TMEM106A: variants seen among roughly 807,000 people sequenced by gnomAD.
TMEM106A encodes the protein transmembrane protein 106A.
A neutral mutation model predicts 25.1 loss-of-function variants in TMEM106A; 22 were observed. The ratio of observed to expected loss-of-function variants is 0.88; its 90% CI spans 0.63 to 1.25. The LOEUF (loss-of-function observed/expected upper bound fraction) is 1.25. Among genes scored for constraint, TMEM106A ranks in the 50% most tolerant of loss-of-function variants. The pLI, the probability that TMEM106A is intolerant of heterozygous loss-of-function variation, is 0.00. For missense variants in TMEM106A, 275 were observed against 318.1 expected (o/e 0.86, Z 1.03); for synonymous variants, 104 against 129.9 (o/e 0.80, Z 1.35).
chr17:43,215,158 G>A (rs1598031871), intron 4 of TMEM106A, among the ~76,000 whole-genome samples: 1 of 151,984 alleles, frequency 6.6e-6, no homozygotes, highest in South Asian at 2.1e-4. Flanking sequence ...CAGGAGAATG[G>A]CGTGAACCCG....
Position 43,213,229 on chromosome 17 carries a change from A to G in TMEM106A, c.188A>G (p.Gln63Arg). 1.2e-6 allele frequency: 2 copies of G among 1,614,196 alleles called. No homozygotes were observed. The highest frequency in any genetic ancestry group is 3.3e-5 in the Admixed American group (2 of 60,008). ...AGCTTCGTGACTTGTCCCACCTGCCAGGGCAGTGGCAAGATTCCCCAAGGT... is the reference window on the plus strand; with the variant it reads ...AGCTTCGTGACTTGTCCCACCTGCCGGGGCAGTGGCAAGATTCCCCAAGGT... ...DASFVTCPTC[Q>R]GSGKIPQELE... Residue 63 changes from glutamine (Q) to arginine (R), a missense_variant, in exon 3 of 9, where the codon CAG becomes CGG. Coordinates refer to ENST00000612339, the MANE Select transcript of TMEM106A (RefSeq NM_145041.4).
intron 4 of TMEM106A, among the ~76,000 whole-genome samples, chr17:43,214,785 C>T (rs1356122912): frequency 2.0e-5 from 3 of 151,918 alleles, no homozygotes; most frequent in African/African-American, 4.8e-5. Context: ...CATGGCGAAA[C>T]CCTGTCTCTA....
rs1226868261 is a variant in TMEM106A at position 43,217,765 on chromosome 17, A to G, written c.753A>G (p.Ala251=). ...SYEYVDCRGN[A]SVPHQLTPHP... ...AATATGTGGACTGCCGAGGAAACGC[A>G]TCTGTGCCCCACCAGCTGACCCCTC... Residue 251 remains alanine (A), a synonymous_variant, in exon 9 of 9, where the codon GCA becomes GCG. Coordinates refer to ENST00000612339, the MANE Select transcript of TMEM106A (RefSeq NM_145041.4). 1.2e-5 allele frequency: 20 copies of G among 1,613,978 alleles called. No homozygotes were observed. The highest frequency in any genetic ancestry group is 2.7e-5 in the African/African-American group (2 of 74,886).
intron 8 of TMEM106A, 123 bp downstream of exon 8, chr17:43,217,435 A>G (rs776689307): frequency 2.2e-4 from 296 of 1,349,050 alleles, no homozygotes; most frequent in Non-Finnish European, 4.2e-5. Context: ...GCTCTTGGGA[A>G]TAGCAAGTCT....
At position 43,217,829 on chromosome 17, in the gene TMEM106A, A is replaced by G. The variant is rs1434841813; in HGVS notation, c.*28A>G. 1 of 1,613,608 alleles carries G rather than the reference A, an allele frequency of 6.2e-7. No homozygotes were observed. The highest frequency in any genetic ancestry group is 8.5e-7 in the Non-Finnish European group (1 of 1,179,712). On this transcript the variant is annotated 3_prime_UTR_variant, in exon 9 of 9. Coordinates refer to ENST00000612339, the MANE Select transcript of TMEM106A (RefSeq NM_145041.4). The stretch of plus-strand genomic sequence containing the variant: ...TGTCTGCTGTCCCTGTACTCCAGGC[A>G]CCTGCAACCCTGGTCTATATCTCCC...
intron 7 of TMEM106A, 189 bp from the exon 8 acceptor site, chr17:43,217,070 G>C: frequency 1.5e-6 from 1 of 670,138 alleles, no homozygotes; most frequent in Non-Finnish European, 2.6e-6. Flanking sequence ...GTGGAGGTCA[G>C]AGTGATAGTG....
rs992716204 is a variant in TMEM106A, at chr17:43,217,360, C to G, written c.668+48C>G. 2.5e-6 allele frequency: 4 copies of G among 1,597,200 alleles called. No homozygotes were observed. The African/African-American group carries it at 4.0e-5, about 16-fold the overall frequency. ...GTATCCCTGCTCTCACTTCTGACTT[C>G]ATTCTCACTCAGCTACACCTCATGG... On this transcript the variant is annotated intron_variant, in intron 8 of 8. Transcript: ENST00000612339.
At chr17:43,217,475 T>C (rs1051806426) in intron 8 of TMEM106A, among the ~76,000 whole-genome samples, 163 bp downstream of exon 8, 2 of 152,136 alleles carry the variant, frequency 1.3e-5, no homozygotes, top group Non-Finnish European at 2.9e-5. Context: ...ACCTTGCCTA[T>C]AAGTTATTAG....
rs143192582 is a variant in TMEM106A at position 43,216,455 on chromosome 17, T to A, written c.436T>A (p.Leu146Ile). 1.9e-6 allele frequency: 3 copies of A among 1,614,152 alleles called. No homozygotes were observed. The highest frequency in any genetic ancestry group is 2.7e-5 in the African/African-American group (2 of 75,048). ...CCCTTGTCTTCATCCCCAGAATATC[T>A]TAAACATCTCCAATGGCAACTACTA... Reference protein sequence around the residue: ...ADIYLNITNILNISNGNYYPI... With the variant: ...ADIYLNITNIINISNGNYYPI... Residue 146 changes from leucine to isoleucine, a missense_variant, in exon 6 of 9, where the codon TTA (leucine) becomes ATA (isoleucine). By Grantham distance (5) the Leu-to-Ile change is conservative (BLOSUM62 2). Transcript: ENST00000612339.
At position 43,213,820 on chromosome 17, in the gene TMEM106A, C is replaced by G. The variant is rs771608557; in HGVS notation, c.212-8C>G. ...CTTGGCCCTCCCTCTCACCTTCTCTCTCTCTAGAGCTGGAGAAGCAGTTGG... is the reference window on the plus strand; with the variant it reads ...CTTGGCCCTCCCTCTCACCTTCTCTGTCTCTAGAGCTGGAGAAGCAGTTGG... On this transcript the variant is annotated splice_region_variant and splice_polypyrimidine_tract_variant and intron_variant, in intron 3 of 8. Transcript: ENST00000612339. 2 of 1,613,962 alleles carry G rather than the reference C, an allele frequency of 1.2e-6. No individual in the cohort carries two copies. The highest frequency in any genetic ancestry group is 1.3e-5 in the African/African-American group (1 of 74,928).
intron 3 of TMEM106A, 136 bp from the exon 4 acceptor site, chr17:43,213,692 C>A: frequency 1.2e-6 from 1 of 835,844 alleles, no homozygotes. Context: ...TGCTTCCAGT[C>A]CTGCTCTGGG....
In TMEM106A at chr17:43,213,320, C is replaced by A. The variant is rs181492455; in HGVS notation, c.211+68C>A. On this transcript the variant is annotated intron_variant, in intron 3 of 8. Transcript: ENST00000612339. ...AAGTTCTTAGCCTGTTGGCCTGGGG[C>A]AGCCCCTCTGAGTCTCCTTGGATGG... 751 of 1,554,838 alleles carry A rather than the reference C, an allele frequency of 4.8e-4. 1 individual carries two copies. The Middle Eastern group carries it at 6.2e-3, about 13-fold the overall frequency.
In TMEM106A at chr17:43,213,147, A is replaced by G. The variant is rs1260145747; in HGVS notation, c.106A>G (p.Thr36Ala). The G allele has an allele frequency of 6.2e-7, 1 of 1,614,186 alleles. No homozygotes were observed. The highest frequency in any genetic ancestry group is 1.1e-5 in the South Asian group (1 of 91,080). Reference protein sequence around the residue: ...IGSKAVNYSSTGSSKSFCSCV... With the variant: ...IGSKAVNYSSAGSSKSFCSCV... ...CAGCAAGGCTGTCAACTACTCCAGC[A>G]CCGGTAGCAGCAAGTCTTTTTGTTC... Residue 36 changes from threonine (T) to alanine (A), a missense_variant, in exon 3 of 9, where the codon ACC (threonine) becomes GCC (alanine). By Grantham distance (58) the Thr-to-Ala change is moderately conservative. Transcript: ENST00000612339.
intron 8 of TMEM106A, among the ~76,000 whole-genome samples, 178 bp from the exon 9 acceptor site, chr17:43,217,503 C>T (rs530516482): frequency 1.2e-4 from 19 of 152,338 alleles, no homozygotes; most frequent in African/African-American, 4.3e-4. Context: ...AGGCATAGGG[C>T]TGTCTGGAAG....
rs2057505156 is a variant in TMEM106A at position 43,218,241 on chromosome 17, G to A, written c.*440G>A. 1 of 191,156 alleles carries A rather than the reference G, an allele frequency of 5.2e-6. No individual in the cohort carries two copies. The highest frequency in any genetic ancestry group is 5.6e-5 in the Admixed American group (1 of 17,876). 11.8% of individuals were successfully genotyped at this position (191,156 alleles called of 1,614,324 possible). On this transcript the variant is annotated 3_prime_UTR_variant, in exon 9 of 9. Transcript: ENST00000612339. Reference sequence around the variant, plus strand: ...CTTGAGGCACCTTAGATTCCCTGGAGTGGCACCTGGCCTTTCTGTACTGAG... The same window carrying A: ...CTTGAGGCACCTTAGATTCCCTGGAATGGCACCTGGCCTTTCTGTACTGAG...
Position 43,212,283 on chromosome 17 carries a change from G to C in TMEM106A, c.-133G>C, listed in dbSNP as rs566026116. ...CTTCTCCCCACCACCGCCCAGCTCA[G>C]CTCAGCCCAGCCCAGCCCACTCTGC... On this transcript the variant is annotated 5_prime_UTR_variant, in exon 2 of 9. Transcript: ENST00000612339. The C allele has an allele frequency of 6.5e-6, 1 of 152,926 alleles. No individual in the cohort carries two copies. Among genetic ancestry groups the C allele is most frequent in the South Asian group, 2.1e-4 (1 of 4,836 alleles). 9.5% of individuals were successfully genotyped at this position (152,926 alleles called of 1,614,324 possible).
At position 43,213,891 on chromosome 17, in the gene TMEM106A, C is replaced by T. The variant is rs141271195; in HGVS notation, c.275C>T (p.Thr92Met). 3.4e-5 allele frequency: 55 copies of T among 1,614,038 alleles called. No homozygotes were observed. The highest frequency in any genetic ancestry group is 4.3e-5 in the Non-Finnish European group (51 of 1,180,010). Residue 92 changes from threonine (T) to methionine (M), a missense_variant and splice_region_variant, in exon 4 of 9, where the codon ACG becomes ATG. Transcript: ENST00000612339. ...YGDQRLKPKHTKLFVFLAVLI... is the reference protein window; with the variant it reads ...YGDQRLKPKHMKLFVFLAVLI... Reference sequence around the variant, plus strand: ...GACCAGAGGCTGAAGCCCAAGCACACGTAAGCCCCCCTTCCTCCCCTAGCT... The same window carrying T: ...GACCAGAGGCTGAAGCCCAAGCACATGTAAGCCCCCCTTCCTCCCCTAGCT...
intron 4 of TMEM106A, among the ~76,000 whole-genome samples, chr17:43,215,116 A>G (rs2057472901): frequency 6.6e-6 from 1 of 151,882 alleles, no homozygotes; most frequent in East Asian, 1.9e-4. Context: ...AGTGGCAGGC[A>G]CCTGTAATCC....
chr17:43,214,069 G>C, intron 4 of TMEM106A, 178 bp downstream of exon 4: 1 of 631,714 alleles, frequency 1.6e-6, no homozygotes, highest in Admixed American at 3.0e-5. Flanking sequence ...GAAGCTCCTG[G>C]ACCGGGTGTG....
Sources: gnomAD v4.1 joint callset for allele counts (sites outside exome capture counted in the v4.1 genomes callset) on GRCh38, gnomAD v4.1.1 for gene constraint, MANE v1.5 for transcripts, NCBI Gene and HGNC (gene_info 2026-07-23, HGNC 2026-07-21) for gene names.